NAV3: variants seen among roughly 807,000 people sequenced by gnomAD.
The protein encoded by NAV3 is pore membrane and/or filament interacting like protein 1.
Under a neutral mutation model 244.7 loss-of-function variants are expected in NAV3, and 87 were observed. That is an observed-to-expected ratio of 0.36 (90% CI 0.30 to 0.42). NAV3 has a LOEUF of 0.42. Ranked by LOEUF, NAV3 falls within the 20% of genes least tolerant of loss-of-function variation. The pLI is 1.00. For synonymous variants in NAV3, 1,126 were observed against 1,042.2 expected (o/e 1.08, Z -1.55); for missense variants, 2,663 against 2,893.3 (o/e 0.92, Z 1.83).
At chr12:77,939,070 T>G (rs539887922) in intron 1 of NAV3, among the ~76,000 whole-genome samples, 2 of 152,168 alleles carry the variant, frequency 1.3e-5, no homozygotes, top group African/African-American at 4.8e-5. Flanking sequence ...GACTTTCATT[T>G]TTTAGTTTCT....
intron 2 of NAV3, among the ~76,000 whole-genome samples, chr12:77,725,153 C>G (rs945150362): frequency 6.6e-6 from 1 of 151,844 alleles, no homozygotes; most frequent in African/African-American, 2.4e-5. Flanking sequence ...GAGGATTTCC[C>G]TTTTCTTTTC....
chr12:78,154,285 A>T (rs988636659), intron 22 of NAV3, among the ~76,000 whole-genome samples: 3 of 61,412 alleles, frequency 4.9e-5, no homozygotes, highest in African/African-American at 1.6e-4. Flanking sequence ...TACTATATAT[A>T]CTACTATATA....
intron 2 of NAV3, among the ~76,000 whole-genome samples, chr12:77,717,509 T>C (rs1214950068): frequency 2.0e-5 from 3 of 152,162 alleles, no homozygotes; most frequent in Non-Finnish European, 2.9e-5. Flanking sequence ...ACATTTTCTT[T>C]ATCCACTCAT....
chr12:77,830,134 T>C (rs919602582), upstream of NAV3, among the ~76,000 whole-genome samples: 1 of 152,196 alleles, frequency 6.6e-6, no homozygotes, highest in Non-Finnish European at 1.5e-5. Flanking sequence ...TAACCAGAAA[T>C]AGAACATGCT....
intron 2 of NAV3, among the ~76,000 whole-genome samples, chr12:77,632,724 C>G (rs1871969453): frequency 1.3e-5 from 2 of 152,130 alleles, no homozygotes; most frequent in Admixed American, 6.6e-5. Context: ...TCTTATACTA[C>G]TATAATAGTA....
At chr12:77,833,208 A>G (rs761462642) in intron 1 of NAV3, among the ~76,000 whole-genome samples, 5 of 152,196 alleles carry the variant, frequency 3.3e-5, no homozygotes, top group Non-Finnish European at 7.3e-5. Flanking sequence ...TATCTCCACT[A>G]AGTTGAAAAC....
rs569990302 is a variant in NAV3 at position 78,097,964 on chromosome 12, G to T, written c.2637-18808G>T. Among the ~76,000 whole-genome samples, 3 of 152,248 alleles carry T rather than the reference G, an allele frequency of 2.0e-5. No homozygotes were observed. The East Asian group carries it at 5.8e-4, about 29-fold the overall frequency. On this transcript the variant is annotated intron_variant, in intron 12 of 39. Transcript: ENST00000397909. The stretch of plus-strand genomic sequence containing the variant: ...TTAAAAGGAGAGACAATTTAGCTCA[G>T]ACTTAATAGCTGTGATTGCTATTTA...
chr12:78,180,851 GT>G lies in NAV3; in HGVS notation c.5518-16del. On this transcript the variant is annotated intron_variant, in intron 29 of 39. Coordinates refer to ENST00000397909, the MANE Select transcript of NAV3 (RefSeq NM_001024383.2). ...ATCAAACCAACTCAGTTTTTTTCATGTTTTCCATCTTCATAACAGAATGAAA... is the reference window on the plus strand; with the variant it reads ...ATCAAACCAACTCAGTTTTTTTCATGTTTCCATCTTCATAACAGAATGAAA... The G allele has an allele frequency of 6.3e-7, 1 of 1,585,280 alleles. No individual in the cohort carries two copies. Among genetic ancestry groups the G allele is most frequent in the Non-Finnish European group, 8.6e-7 (1 of 1,164,500 alleles).
chr12:78,000,588 C>A (rs1268147699), intron 7 of NAV3, among the ~76,000 whole-genome samples: 1 of 139,774 alleles, frequency 7.2e-6, no homozygotes, highest in Non-Finnish European at 1.5e-5. Flanking sequence ...ACTGCAAGCT[C>A]CGCCTCCCGG....
rs1407090074 is a variant in NAV3, at chr12:78,197,533, G to GACA, written c.6446+132_6446+133insACA. On this transcript the variant is annotated intron_variant, in intron 35 of 39. Coordinates refer to ENST00000397909, the MANE Select transcript of NAV3 (RefSeq NM_001024383.2). Reference sequence around the variant, plus strand: ...ATTTTTTAAATTGACAGATAAAACTGTACATATTGATTGTGTACACCATGA... The same window carrying GACA: ...ATTTTTTAAATTGACAGATAAAACTGACATACATATTGATTGTGTACACCATGA... 1.8e-5 allele frequency: 11 copies of GACA among 594,930 alleles called. No homozygotes were observed. The African/African-American group carries it at 1.9e-4, about 10-fold the overall frequency. 36.9% of individuals were successfully genotyped at this position (594,930 alleles called of 1,614,324 possible).
intron 5 of NAV3, among the ~76,000 whole-genome samples, chr12:77,972,983 T>C (rs1047950778): frequency 6.6e-6 from 1 of 152,036 alleles, no homozygotes; most frequent in African/African-American, 2.4e-5. Context: ...TGGAAAAACA[T>C]TACAGTAAAA....
At position 77,807,733 on chromosome 12, in the gene NAV3, G is replaced by A. The variant is rs369939428; in HGVS notation, c.73-132586G>A. On this transcript the variant is annotated intron_variant, in intron 2 of 8. Coordinates refer to the NAV3 transcript ENST00000550042. ...ATTTGAATGTTGGCCTGTCTTGCTA[G>A]GTTGGGGAAGTTCTCCTGGATAATA... Among the ~76,000 whole-genome samples, 59 of 152,276 alleles carry A rather than the reference G, an allele frequency of 3.9e-4. No individual in the cohort carries two copies. In the East Asian group the frequency reaches 8.1e-3, roughly 21 times the overall value.
At chr12:77,574,400 A>G (rs1868981089) in intron 2 of NAV3, among the ~76,000 whole-genome samples, 1 of 152,184 alleles carries the variant, frequency 6.6e-6, no homozygotes, top group Non-Finnish European at 1.5e-5. Flanking sequence ...AATTAAAGAA[A>G]AATTGAAAGG....
intron 1 of NAV3, among the ~76,000 whole-genome samples, chr12:77,921,934 G>A (rs1887748006): frequency 6.6e-6 from 1 of 152,076 alleles, no homozygotes; most frequent in Admixed American, 6.6e-5. Flanking sequence ...CATATCATAA[G>A]GTCCTTTGGA....
At chr12:78,056,587 G>C (rs926430978) in intron 11 of NAV3, among the ~76,000 whole-genome samples, 5 of 152,044 alleles carry the variant, frequency 3.3e-5, no homozygotes, top group Non-Finnish European at 7.3e-5. Flanking sequence ...AAATTAGCTG[G>C]GCATGGTGGT....
intron 9 of NAV3, among the ~76,000 whole-genome samples, chr12:78,026,009 G>A (rs2136889771): frequency 6.6e-6 from 1 of 152,236 alleles, no homozygotes; most frequent in East Asian, 1.9e-4. Context: ...GATTTTCAGA[G>A]TCATGTATCC....
At chr12:77,987,354 G>A (rs1449140011) in intron 5 of NAV3, among the ~76,000 whole-genome samples, 1 of 152,168 alleles carries the variant, frequency 6.6e-6, no homozygotes, top group Non-Finnish European at 1.5e-5. Context: ...ATGCACATGA[G>A]TTAACATTAA....
intron 3 of NAV3, among the ~76,000 whole-genome samples, chr12:77,958,514 T>C (rs1891577336): frequency 6.6e-6 from 1 of 152,178 alleles, no homozygotes; most frequent in South Asian, 2.1e-4. Flanking sequence ...TTAGTTTCTA[T>C]AATAAAGAAA....
At chr12:77,624,372 G>A (rs2136887436) in intron 2 of NAV3, among the ~76,000 whole-genome samples, 1 of 152,170 alleles carries the variant, frequency 6.6e-6, no homozygotes, top group South Asian at 2.1e-4. Flanking sequence ...CCAAACACGT[G>A]GGAACTCTGT....
Sources: gnomAD v4.1 joint callset for allele counts (sites outside exome capture counted in the v4.1 genomes callset) on GRCh38, gnomAD v4.1.1 for gene constraint, MANE v1.5 for transcripts, NCBI Gene and HGNC (gene_info 2026-07-23, HGNC 2026-07-21) for gene names.